The following SLC4A4 variants were observed in gnomAD, a reference collection of about 807,000 sequenced individuals.
SLC4A4 encodes electrogenic sodium bicarbonate cotransporter 1.
A neutral mutation model predicts 111.5 loss-of-function variants in SLC4A4; 27 were observed. That is an observed-to-expected ratio of 0.24 (90% CI 0.18 to 0.33). The LOEUF is 0.33. Among genes scored for constraint, SLC4A4 ranks in the 10% least tolerant of loss-of-function variants. The probability of loss-of-function intolerance (pLI) is 1.00; values close to 1 mark genes in which losing one functional copy is unlikely to be tolerated. For synonymous variants in SLC4A4, 443 were observed against 463.4 expected (o/e 0.96, Z 0.57); for missense variants, 909 against 1,315.5 (o/e 0.69, Z 4.78).
intron 3 of SLC4A4, among the ~76,000 whole-genome samples, chr4:71,325,997 A>G (rs191665280): frequency 1.6e-4 from 24 of 151,934 alleles, no homozygotes; most frequent in Middle Eastern, 3.4e-3. Context: ...AGGATTTTAT[A>G]TATATATTTA....
intron 1 of SLC4A4, among the ~76,000 whole-genome samples, chr4:71,072,074 G>A (rs962517475): frequency 3.3e-5 from 5 of 152,018 alleles, no homozygotes; most frequent in Non-Finnish European, 7.4e-5. Context: ...CTTTTGCCAT[G>A]TGAAATTTTA....
At position 71,350,082 on chromosome 4, in the gene SLC4A4, C is replaced by A; in HGVS notation, c.550+10C>A. On this transcript the variant is annotated intron_variant, in intron 5 of 25. Coordinates refer to ENST00000264485, the MANE Select transcript of SLC4A4 (RefSeq NM_001098484.3). The stretch of plus-strand genomic sequence containing the variant: ...CTCCCACAGTTGGTGGGTAAGTATG[C>A]TGTTTGAATTTTATCCTATTTTTTT... 2 of 1,613,924 alleles carry A rather than the reference C, an allele frequency of 1.2e-6. No homozygotes were observed. Among genetic ancestry groups the A allele is most frequent in the Non-Finnish European group, 1.7e-6 (2 of 1,179,942 alleles).
intron 1 of SLC4A4, among the ~76,000 whole-genome samples, chr4:71,208,031 A>G (rs1408198836): frequency 6.6e-6 from 1 of 152,174 alleles, no homozygotes; most frequent in Non-Finnish European, 1.5e-5. Context: ...CTGGTCTCAA[A>G]CTTCTGGGCT....
At chr4:71,142,206 A>G (rs1744016035) in intron 2 of SLC4A4, among the ~76,000 whole-genome samples, 1 of 152,266 alleles carries the variant, frequency 6.6e-6, no homozygotes, top group Admixed American at 6.5e-5. Context: ...GTATAGCTTT[A>G]GGACAGAGCT....
chr4:71,244,986 G>A (rs562027339), intron 2 of SLC4A4, among the ~76,000 whole-genome samples: 1 of 152,262 alleles, frequency 6.6e-6, no homozygotes, highest in South Asian at 2.1e-4. Flanking sequence ...ATACGTAGGT[G>A]AGTTTACATG....
chr4:71,224,203 T>C (rs1478547852), intron 1 of SLC4A4, among the ~76,000 whole-genome samples: 2 of 152,112 alleles, frequency 1.3e-5, no homozygotes, highest in African/African-American at 4.8e-5. Flanking sequence ...TCTCAGTCCC[T>C]TCCCAAGAGC....
At chr4:71,353,333 G>C (rs1267771439) in intron 5 of SLC4A4, among the ~76,000 whole-genome samples, 3 of 152,204 alleles carry the variant, frequency 2.0e-5, no homozygotes, top group Non-Finnish European at 4.4e-5. Context: ...CAGAGAGCCA[G>C]TGCTGTCATT....
chr4:71,067,179 C>T (rs541190527), intron 1 of SLC4A4, among the ~76,000 whole-genome samples: 107 of 151,822 alleles, frequency 7.0e-4, no homozygotes, highest in Non-Finnish European at 1.3e-3. Flanking sequence ...CTTAGTACTA[C>T]CATAGTGTTT....
chr4:71,168,623 A>G (rs374350193), intron 2 of SLC4A4, among the ~76,000 whole-genome samples: 1 of 143,270 alleles, frequency 7.0e-6, no homozygotes, highest in Non-Finnish European at 1.5e-5. Flanking sequence ...TACCCTTTTC[A>G]TCCTCTGGTA....
At chr4:71,103,690 G>A (rs188343689) in intron 2 of SLC4A4, among the ~76,000 whole-genome samples, 2 of 152,204 alleles carry the variant, frequency 1.3e-5, no homozygotes, top group Admixed American at 6.5e-5. Flanking sequence ...ATAACGAAAT[G>A]AAGGCAGAAA....
chr4:71,184,370 G>A (rs1046003781), upstream of SLC4A4, among the ~76,000 whole-genome samples: 10 of 152,024 alleles, frequency 6.6e-5, no homozygotes, highest in East Asian at 1.9e-4. Flanking sequence ...ACATTATGTC[G>A]TCATCACCTG....
At chr4:71,288,200 G>A (rs1366509588) in intron 3 of SLC4A4, among the ~76,000 whole-genome samples, 1 of 152,116 alleles carries the variant, frequency 6.6e-6, no homozygotes, top group Non-Finnish European at 1.5e-5. Flanking sequence ...CACCTAAATG[G>A]ATTCTATCTT....
intron 2 of SLC4A4, among the ~76,000 whole-genome samples, chr4:71,181,180 A>G (rs1745280517): frequency 7.6e-6 from 1 of 132,346 alleles, no homozygotes; most frequent in African/African-American, 2.8e-5. Flanking sequence ...ACACATGGAC[A>G]CAGGAAGGGG....
chr4:71,092,793 G>T lies in SLC4A4; in HGVS notation c.-2+1G>T, dbSNP rs1244815378. Among the ~76,000 whole-genome samples, 1 of 152,142 alleles carries T rather than the reference G, an allele frequency of 6.6e-6. No homozygotes were observed. The highest frequency in any genetic ancestry group is 1.5e-5 in the Non-Finnish European group (1 of 68,004). The stretch of plus-strand genomic sequence containing the variant: ...CCTGAGCACTGATGCTTGACCTATT[G>T]TAAGTAAGAAAGTCATATATGGGCC... On this transcript the variant is annotated splice_donor_variant, in intron 2 of 26. Coordinates refer to the SLC4A4 transcript ENST00000649996. LOFTEE classifies it low-confidence loss of function (5UTR_SPLICE).
At chr4:71,096,999 C>T (rs1742576625) in intron 2 of SLC4A4, among the ~76,000 whole-genome samples, 1 of 151,968 alleles carries the variant, frequency 6.6e-6, no homozygotes, top group African/African-American at 2.4e-5. Context: ...ATACATATAA[C>T]ATAAAATTTG....
chr4:71,447,042 A>C (rs2149069917), intron 8 of SLC4A4, among the ~76,000 whole-genome samples: 1 of 152,350 alleles, frequency 6.6e-6, no homozygotes, highest in Non-Finnish European at 1.5e-5. Context: ...GACACCCACA[A>C]AATAATTTTG....
intron 15 of SLC4A4, among the ~76,000 whole-genome samples, chr4:71,489,807 C>T (rs1729741885): frequency 6.6e-6 from 1 of 151,692 alleles, no homozygotes; most frequent in Non-Finnish European, 1.5e-5. Context: ...TGACATGCAT[C>T]CCCTGGAGCC....
At chr4:71,540,176 CATAAATGAGCAT>C (rs1303101795) in intron 18 of SLC4A4, among the ~76,000 whole-genome samples, 1 of 152,158 alleles carries the variant, frequency 6.6e-6, no homozygotes, top group African/African-American at 2.4e-5. Context: ...TTAGTGTCCC[CATAAATGAGCAT>C]ATTGTCTGGA....
chr4:71,468,296 A>C (rs1326433269), intron 13 of SLC4A4, among the ~76,000 whole-genome samples: 1 of 152,110 alleles, frequency 6.6e-6, no homozygotes, highest in Non-Finnish European at 1.5e-5. Flanking sequence ...TTAAACAAGG[A>C]TGTACTATAA....
Sources: gnomAD v4.1 joint callset for allele counts (sites outside exome capture counted in the v4.1 genomes callset) on GRCh38, gnomAD v4.1.1 for gene constraint, MANE v1.5 for transcripts, NCBI Gene and HGNC (gene_info 2026-07-23, HGNC 2026-07-21) for gene names.